The following SMYD3 variants were observed in gnomAD, a reference collection of about 807,000 sequenced individuals.
SMYD3 encodes histone-lysine N-methyltransferase SMYD3.
In SMYD3, 36 loss-of-function variants were observed where a neutral mutation model predicts 57.7. The observed-to-expected ratio is 0.62, with a 90% confidence interval of 0.48 to 0.82. The LOEUF is 0.82. Among genes scored for constraint, SMYD3 ranks in the 40% least tolerant of loss-of-function variants. SMYD3 has a pLI of 0.00. For synonymous variants in SMYD3, 211 were observed against 195.0 expected (o/e 1.08, Z -0.68); for missense variants, 515 against 538.8 (o/e 0.96, Z 0.44).
intron 5 of SMYD3, among the ~76,000 whole-genome samples, chr1:246,229,431 A>C (rs1163104820): frequency 6.6e-6 from 1 of 152,242 alleles, no homozygotes; most frequent in Non-Finnish European, 1.5e-5. Context: ...TAATTTACTT[A>C]ATCCTATTGA....
chr1:246,135,998 G>A (rs1296716650), intron 5 of SMYD3, among the ~76,000 whole-genome samples: 1 of 152,178 alleles, frequency 6.6e-6, no homozygotes, highest in Non-Finnish European at 1.5e-5. Flanking sequence ...GAGAAAAGAT[G>A]AATATTCTCA....
chr1:246,276,415 T>C (rs372613395), intron 5 of SMYD3, among the ~76,000 whole-genome samples: 33 of 136,732 alleles, frequency 2.4e-4, no homozygotes, highest in Admixed American at 2.9e-4. Context: ...CTGATGCCCA[T>C]GTTTGAATAC....
At chr1:245,995,781 G>C (rs1217621385) in intron 5 of SMYD3, among the ~76,000 whole-genome samples, 1 of 152,142 alleles carries the variant, frequency 6.6e-6, no homozygotes, top group African/African-American at 2.4e-5. Flanking sequence ...TGGATAGACA[G>C]AGACACATGC....
chr1:246,134,239 A>G (rs1351885109), intron 5 of SMYD3, among the ~76,000 whole-genome samples: 2 of 152,132 alleles, frequency 1.3e-5, no homozygotes, highest in African/African-American at 4.8e-5. Flanking sequence ...GAATAGCCTT[A>G]CTTGGAAATA....
chr1:246,016,154 C>A (rs1013642640), intron 5 of SMYD3, among the ~76,000 whole-genome samples: 9 of 151,746 alleles, frequency 5.9e-5, no homozygotes, highest in African/African-American at 2.2e-4. Context: ...GTAGTCCCAG[C>A]TACTTGGGAG....
intron 8 of SMYD3, among the ~76,000 whole-genome samples, chr1:245,866,048 G>T (rs1432554792): frequency 6.6e-6 from 1 of 152,178 alleles, no homozygotes; most frequent in Non-Finnish European, 1.5e-5. Context: ...CATCCCCCTG[G>T]AGACTGTCAT....
intron 5 of SMYD3, among the ~76,000 whole-genome samples, chr1:246,295,545 A>G (rs995393287): frequency 6.6e-6 from 1 of 152,206 alleles, no homozygotes; most frequent in Non-Finnish European, 1.5e-5. Context: ...CACGGTAACA[A>G]TCTATTTGCA....
At chr1:245,859,532 A>G (rs2051423794) in intron 9 of SMYD3, among the ~76,000 whole-genome samples, 1 of 152,192 alleles carries the variant, frequency 6.6e-6, no homozygotes, top group Non-Finnish European at 1.5e-5. Flanking sequence ...GACTGAGGAC[A>G]TGGTTTATGG....
At chr1:246,323,635 T>TA (rs2065287476) in intron 5 of SMYD3, among the ~76,000 whole-genome samples, 1 of 152,196 alleles carries the variant, frequency 6.6e-6, no homozygotes. Context: ...GCAAGTTTGA[T>TA]AAAGATATGC....
At position 246,086,617 on chromosome 1, in the gene SMYD3, GACA is replaced by G. The variant is rs1025686948; in HGVS notation, c.532-156683_532-156681del. On this transcript the variant is annotated intron_variant, in intron 5 of 11. Coordinates refer to ENST00000490107, the MANE Select transcript of SMYD3 (RefSeq NM_001167740.2). ...TAATCAAGTCACTAAACAAGCAAAT[GACA>G]ACAACAACAAAAAAGCCTCAGAGAG... Among the ~76,000 whole-genome samples the G allele has an allele frequency of 7.8e-4, 118 of 150,448 alleles. 1 individual carries two copies. The highest frequency in any genetic ancestry group is 2.5e-3 in the African/African-American group (103 of 40,922).
intron 8 of SMYD3, among the ~76,000 whole-genome samples, 163 bp from the exon 9 acceptor site, chr1:245,864,049 T>C (rs1306002675): frequency 6.6e-6 from 1 of 152,174 alleles, no homozygotes; most frequent in Non-Finnish European, 1.5e-5. Flanking sequence ...CAGTGAGATG[T>C]TACTTGATAC....
At chr1:246,120,012 A>G (rs2061401308) in intron 5 of SMYD3, among the ~76,000 whole-genome samples, 1 of 152,168 alleles carries the variant, frequency 6.6e-6, no homozygotes, top group Admixed American at 6.5e-5. Flanking sequence ...AAATTGGTCT[A>G]TTTTTATGCT....
At chr1:246,354,558 A>G (rs942007467) in intron 2 of SMYD3, among the ~76,000 whole-genome samples, 6 of 152,184 alleles carry the variant, frequency 3.9e-5, no homozygotes, top group Admixed American at 6.5e-5. Flanking sequence ...AATTCATACA[A>G]TGAAACATAT....
At chr1:245,947,411 C>A (rs1230821461) in intron 5 of SMYD3, 1 of 457,048 alleles carries the variant, frequency 2.2e-6, no homozygotes, top group East Asian at 7.0e-5. Flanking sequence ...CCTCCATATC[C>A]CCCCAAAACG....
chr1:246,506,487 T>C (rs185586759), intron 1 of SMYD3, among the ~76,000 whole-genome samples: 1 of 152,280 alleles, frequency 6.6e-6, no homozygotes, highest in East Asian at 1.9e-4. Flanking sequence ...TCTCACTTGA[T>C]CAGCTCTTTG....
chr1:246,095,115 G>A (rs1056429849), intron 5 of SMYD3, among the ~76,000 whole-genome samples: 5 of 152,058 alleles, frequency 3.3e-5, no homozygotes, highest in East Asian at 1.9e-4. Flanking sequence ...ACATATCATC[G>A]CATCAATGAT....
intron 10 of SMYD3, among the ~76,000 whole-genome samples, chr1:245,766,082 G>A (rs75589328): frequency 2.6e-3 from 400 of 152,018 alleles, no homozygotes; most frequent in South Asian, 0.013. Flanking sequence ...TATTTAAACC[G>A]ACAGAAAGTT....
intron 10 of SMYD3, among the ~76,000 whole-genome samples, chr1:245,801,350 T>C (rs956861964): frequency 3.3e-5 from 5 of 152,234 alleles, no homozygotes; most frequent in African/African-American, 7.2e-5. Flanking sequence ...AAGACGCTGA[T>C]GAGTGCATCC....
intron 5 of SMYD3, among the ~76,000 whole-genome samples, chr1:246,301,620 T>A (rs956472305): frequency 6.6e-6 from 1 of 152,192 alleles, no homozygotes; most frequent in African/African-American, 2.4e-5. Context: ...TAATGTTACG[T>A]GCTATAAGGG....
Sources: allele counts gnomAD v4.1 joint callset (sites outside exome capture counted in the v4.1 genomes callset), GRCh38; gene constraint gnomAD v4.1.1; transcripts MANE v1.5; gene names NCBI Gene and HGNC (gene_info 2026-07-23, HGNC 2026-07-21).